SCHIP1: variants seen among roughly 807,000 people sequenced by gnomAD.
SCHIP1 encodes the protein schwannomin interacting protein 1, also known as schwannomin-interacting protein 1.
SCHIP1 carries 8 observed loss-of-function variants against 29.7 expected under a neutral mutation model. The observed-to-expected ratio is 0.27, with a 90% CI of 0.16 to 0.49. The LOEUF is 0.49. Among genes scored for constraint, SCHIP1 ranks in the 20% least tolerant of loss-of-function variants. The pLI, the probability that SCHIP1 is intolerant of heterozygous loss-of-function variation, is 0.99. For missense variants in SCHIP1, 193 were observed against 294.6 expected (o/e 0.66, Z 2.52); for synonymous variants, 76 against 94.9 (o/e 0.80, Z 1.16).
At chr3:159,483,964 A>T in the SCHIP1 span, among the ~76,000 whole-genome samples, 3 of 152,142 alleles carry the variant, frequency 2.0e-5, no homozygotes, top group African/African-American at 7.2e-5. Flanking sequence ...AAAAAACAAT[A>T]TTTTCATCTG....
the SCHIP1 span, among the ~76,000 whole-genome samples, chr3:159,810,404 T>C: frequency 6.6e-6 from 1 of 152,178 alleles, no homozygotes; most frequent in Non-Finnish European, 1.5e-5. Flanking sequence ...TGTTCAAACA[T>C]CCCCACAACC....
chr3:159,494,218 C>G, the SCHIP1 span, among the ~76,000 whole-genome samples: 1 of 151,998 alleles, frequency 6.6e-6, no homozygotes, highest in Non-Finnish European at 1.5e-5. Context: ...CAAACACATT[C>G]AAAAGCTAGC....
chr3:159,561,583 G>A, the SCHIP1 span, among the ~76,000 whole-genome samples: 1 of 151,844 alleles, frequency 6.6e-6, no homozygotes, highest in Non-Finnish European at 1.5e-5. Flanking sequence ...AAATTGTGTT[G>A]TAAAACACAC....
chr3:159,403,514 C>T, the SCHIP1 span, among the ~76,000 whole-genome samples: 1 of 152,122 alleles, frequency 6.6e-6, no homozygotes, highest in Non-Finnish European at 1.5e-5. Context: ...TGAGGGACTT[C>T]GCATTGGAAC....
the SCHIP1 span, among the ~76,000 whole-genome samples, chr3:159,800,968 T>G: frequency 2.5e-5 from 1 of 40,242 alleles, no homozygotes; most frequent in Non-Finnish European, 4.5e-5. Flanking sequence ...CTAAGTCTGT[T>G]TTTTTTTTTT....
At chr3:159,428,285 C>G in the SCHIP1 span, among the ~76,000 whole-genome samples, 975 of 152,088 alleles carry the variant, frequency 6.4e-3, 3 homozygotes, top group Non-Finnish European at 9.5e-3. Flanking sequence ...AAAATTTTCT[C>G]AACCTACTCA....
the SCHIP1 span, among the ~76,000 whole-genome samples, chr3:159,590,645 T>G: frequency 6.6e-6 from 1 of 152,082 alleles, no homozygotes; most frequent in Non-Finnish European, 1.5e-5. Context: ...ATGCATGGTG[T>G]GTTAAATCCC....
chr3:159,726,768 A>G, the SCHIP1 span, among the ~76,000 whole-genome samples: 5 of 152,164 alleles, frequency 3.3e-5, no homozygotes, highest in Admixed American at 3.3e-4. Context: ...TTATAATAGC[A>G]TTTCTCATAA....
the SCHIP1 span, chr3:159,273,400 G>A: frequency 1.6e-5 from 16 of 999,600 alleles, no homozygotes; most frequent in African/African-American, 1.7e-5. Context: ...ATTTTTAATC[G>A]AAAAGTAGAT....
At chr3:159,411,870 T>C in the SCHIP1 span, among the ~76,000 whole-genome samples, 2 of 152,154 alleles carry the variant, frequency 1.3e-5, no homozygotes, top group Non-Finnish European at 2.9e-5. Context: ...ACCAATATTG[T>C]GATATATTTT....
At chr3:159,850,050 C>T (rs1250829235) in intron 1 of SCHIP1, among the ~76,000 whole-genome samples, 1 of 152,182 alleles carries the variant, frequency 6.6e-6, no homozygotes, top group African/African-American at 2.4e-5. Flanking sequence ...TGCTAAAAGA[C>T]ACCAGGTAAA....
chr3:159,704,912 C>CTTTCTTTCTTTA, the SCHIP1 span, among the ~76,000 whole-genome samples: 3 of 83,358 alleles, frequency 3.6e-5, no homozygotes, highest in East Asian at 9.0e-4. Flanking sequence ...TTCTTTATTT[C>CTTTCTTTCTTTA]TTTCTTTCTT....
At chr3:159,328,958 T>G in the SCHIP1 span, among the ~76,000 whole-genome samples, 2 of 152,134 alleles carry the variant, frequency 1.3e-5, no homozygotes, top group Non-Finnish European at 2.9e-5. Flanking sequence ...GAATGATATG[T>G]GGATAAAATA....
chr3:159,385,008 C>G, the SCHIP1 span, among the ~76,000 whole-genome samples: 1 of 151,398 alleles, frequency 6.6e-6, no homozygotes, highest in Admixed American at 6.6e-5. Context: ...CTCTTTTCTT[C>G]TTTATTAGTC....
the SCHIP1 span, among the ~76,000 whole-genome samples, chr3:159,327,219 C>T: frequency 6.6e-6 from 1 of 152,172 alleles, no homozygotes; most frequent in Non-Finnish European, 1.5e-5. Flanking sequence ...ACCAGGATTG[C>T]ATTGCCAGAT....
the SCHIP1 span, among the ~76,000 whole-genome samples, chr3:159,761,143 T>A: frequency 6.6e-6 from 1 of 152,228 alleles, no homozygotes; most frequent in Admixed American, 6.5e-5. Flanking sequence ...AGGGGAGTAG[T>A]TAATGAAGCA....
At chr3:159,875,949 A>T (rs1715760839) in intron 2 of SCHIP1, among the ~76,000 whole-genome samples, 1 of 152,202 alleles carries the variant, frequency 6.6e-6, no homozygotes, top group African/African-American at 2.4e-5. Flanking sequence ...AAACAAAACA[A>T]ACCATGAAAG....
the SCHIP1 span, among the ~76,000 whole-genome samples, chr3:159,607,110 TC>T: frequency 6.6e-6 from 1 of 152,224 alleles, no homozygotes; most frequent in African/African-American, 2.4e-5. Context: ...CGCCCACCCT[TC>T]TTATACTACC....
the SCHIP1 span, among the ~76,000 whole-genome samples, chr3:159,769,465 A>G: frequency 1.3e-5 from 2 of 152,178 alleles, no homozygotes; most frequent in Non-Finnish European, 1.5e-5. Flanking sequence ...AAATAGCTTT[A>G]TTGGCCAGGC....
Sources: allele counts gnomAD v4.1 joint callset (sites outside exome capture counted in the v4.1 genomes callset), GRCh38; gene constraint gnomAD v4.1.1; transcripts MANE v1.5; gene names NCBI Gene and HGNC (gene_info 2026-07-23, HGNC 2026-07-21).